PRPF18: variants seen among roughly 807,000 people sequenced by gnomAD.
PRPF18 encodes the protein pre-mRNA processing factor 18.
PRPF18 carries 38 observed loss-of-function variants against 46.5 expected under a neutral mutation model. That is an observed-to-expected ratio of 0.82 (90% CI 0.63 to 1.07). The LOEUF is 1.07. PRPF18 is among the 50% of genes least tolerant of loss of function. The probability of loss-of-function intolerance (pLI) is 0.00; values close to 1 mark genes in which losing one functional copy is unlikely to be tolerated. For synonymous variants in PRPF18, 152 were observed against 146.7 expected, an observed-to-expected ratio of 1.04 and a Z score of -0.26; for missense variants, 263 against 410.0, an observed-to-expected ratio of 0.64 and a Z score of 3.10.
chr10:13,606,133 G>C (rs2080181197), intron 4 of PRPF18, among the ~76,000 whole-genome samples: 1 of 151,832 alleles, frequency 6.6e-6, no homozygotes, highest in African/African-American at 2.4e-5. Flanking sequence ...CTGTATCCCT[G>C]AACTTAAAAG....
chr10:13,624,377 G>C (rs1448166218), intron 9 of PRPF18, among the ~76,000 whole-genome samples: 2 of 152,210 alleles, frequency 1.3e-5, no homozygotes, highest in Non-Finnish European at 2.9e-5. Context: ...AGTCATTACG[G>C]AACCAAACAG....
chr10:13,647,154 C>G, the PRPF18 span: 1 of 158,190 alleles, frequency 6.3e-6, no homozygotes, highest in African/African-American at 2.4e-5. Flanking sequence ...AATCACGAGT[C>G]TTTCCTGTTC....
intron 3 of PRPF18, among the ~76,000 whole-genome samples, chr10:13,603,200 G>C (rs2080138417): frequency 6.6e-6 from 1 of 152,138 alleles, no homozygotes; most frequent in African/African-American, 2.4e-5. Flanking sequence ...TCCTGCCTTT[G>C]CTCAGCGAGC....
the PRPF18 span, chr10:13,648,062 A>T: frequency 6.6e-6 from 1 of 152,136 alleles, no homozygotes; most frequent in Admixed American, 6.5e-5. Flanking sequence ...CCAGCTTTCT[A>T]TTTCATTTGC....
Position 13,592,016 on chromosome 10 carries a change from C to T in PRPF18, c.66+4864C>T, listed in dbSNP as rs986206323. ...TAGGCATTTTATGAAGTTTAACCAC[C>T]TGGGTACTACCATTCTTGTCACCAC... On this transcript the variant is annotated intron_variant, in intron 1 of 9. Coordinates refer to ENST00000378572, the MANE Select transcript of PRPF18 (RefSeq NM_003675.4). The T allele has an allele frequency of 2.6e-5, 18 of 683,384 alleles. No individual in the cohort carries two copies. The Admixed American group carries it at 3.9e-4, about 15-fold the overall frequency. 42.3% of individuals were successfully genotyped at this position (683,384 alleles called of 1,614,324 possible).
chr10:13,646,745 T>G, the PRPF18 span: 1 of 152,692 alleles, frequency 6.5e-6, no homozygotes, highest in South Asian at 2.1e-4. Flanking sequence ...GGACACACAG[T>G]GGGACCGGAA....
At chr10:13,646,411 C>T in the PRPF18 span, 1 of 152,592 alleles carries the variant, frequency 6.6e-6, no homozygotes, top group African/African-American at 2.4e-5. Flanking sequence ...CTCAACCTCC[C>T]CTTCCCCCAT....
chr10:13,650,248 A>G, the PRPF18 span, among the ~76,000 whole-genome samples: 2 of 152,114 alleles, frequency 1.3e-5, no homozygotes, highest in African/African-American at 2.4e-5. Flanking sequence ...TACAGAACCA[A>G]CTGGTGGCAC....
chr10:13,600,403 T>C (rs2080089158), intron 3 of PRPF18, 55 bp downstream of exon 3: 2 of 1,312,598 alleles, frequency 1.5e-6, no homozygotes, highest in African/African-American at 1.5e-5. Flanking sequence ...TGTTTACATT[T>C]ATCTCCAGCT....
At chr10:13,604,810 C>T (rs1355302270) in intron 3 of PRPF18, among the ~76,000 whole-genome samples, 1 of 152,126 alleles carries the variant, frequency 6.6e-6, no homozygotes, top group African/African-American at 2.4e-5. Flanking sequence ...ATCTACATTT[C>T]AAAACAAGTG....
In PRPF18 at chr10:13,594,347, C is replaced by A. The variant is rs1368392671; in HGVS notation, c.67-3111C>A. Among the ~76,000 whole-genome samples the A allele has an allele frequency of 3.9e-5, 6 of 152,198 alleles. No individual in the cohort carries two copies. In the South Asian group the frequency reaches 1.0e-3, roughly 26 times the overall value. On this transcript the variant is annotated intron_variant, in intron 1 of 9. Transcript: ENST00000378572. ...TGTTTTCAAGTACACGAAGAAAATT[C>A]ATCCACAGATAAGTAGTTAGAAAAA...
chr10:13,608,465 T>C (rs2080221935), intron 4 of PRPF18, among the ~76,000 whole-genome samples: 1 of 152,224 alleles, frequency 6.6e-6, no homozygotes, highest in South Asian at 2.1e-4. Context: ...AGCATTGTCA[T>C]TCCAGCCCCA....
At chr10:13,608,867 C>T (rs2080229169) in intron 4 of PRPF18, among the ~76,000 whole-genome samples, 1 of 152,128 alleles carries the variant, frequency 6.6e-6, no homozygotes, top group Non-Finnish European at 1.5e-5. Context: ...AATTATTTGG[C>T]CGTTGGCAAG....
At chr10:13,606,286 T>G (rs1210024313) in intron 4 of PRPF18, among the ~76,000 whole-genome samples, 1 of 152,268 alleles carries the variant, frequency 6.6e-6, no homozygotes, top group Non-Finnish European at 1.5e-5. Context: ...TTCATACAGA[T>G]GGACTCATAG....
At chr10:13,613,976 A>G (rs549395054) in intron 7 of PRPF18, 39 bp from the exon 8 acceptor site, 1 of 1,555,380 alleles carries the variant, frequency 6.4e-7, no homozygotes, top group South Asian at 1.2e-5. Flanking sequence ...ATACATCTAT[A>G]CATAGTAGCT....
rs376251100 is a variant in PRPF18 at position 13,621,249 on chromosome 10, C to T, written c.948+4696C>T. Reference sequence around the variant, plus strand: ...CTCTTATCCTTCCTCACTGTGTTCCCTCCAAACGTGACTTTACCAGCAACA... The same window carrying T: ...CTCTTATCCTTCCTCACTGTGTTCCTTCCAAACGTGACTTTACCAGCAACA... On this transcript the variant is annotated intron_variant, in intron 9 of 9. Transcript: ENST00000378572. Among the ~76,000 whole-genome samples, 122 of 152,314 alleles carry T rather than the reference C, an allele frequency of 8.0e-4. 3 individuals are homozygous for T. The highest frequency in any genetic ancestry group is 2.8e-3 in the African/African-American group (115 of 41,570).
chr10:13,615,318 C>G lies in PRPF18; in HGVS notation c.793-1080C>G, dbSNP rs17153590. ...ATTTTGTATAAACTACAGAAAGAACCAAGAAGCTTTAATAACCTGTTTAGA... is the reference window on the plus strand; with the variant it reads ...ATTTTGTATAAACTACAGAAAGAACGAAGAAGCTTTAATAACCTGTTTAGA... On this transcript the variant is annotated intron_variant, in intron 8 of 9. Coordinates refer to ENST00000378572, the MANE Select transcript of PRPF18 (RefSeq NM_003675.4). Among the ~76,000 whole-genome samples, 254 of 152,262 alleles carry G rather than the reference C, an allele frequency of 1.7e-3. 5 individuals are homozygous for G. The East Asian group carries it at 0.042, about 25-fold the overall frequency.
At chr10:13,599,193 T>C (rs1203308046) in intron 2 of PRPF18, among the ~76,000 whole-genome samples, 3 of 152,216 alleles carry the variant, frequency 2.0e-5, no homozygotes, top group Non-Finnish European at 2.9e-5. Context: ...TTTATTCTTT[T>C]GTAGAAATGA....
the PRPF18 span, chr10:13,654,037 T>G: frequency 9.9e-6 from 4 of 404,724 alleles, no homozygotes; most frequent in African/African-American, 8.4e-5. Context: ...ATTTGCTGTC[T>G]TCATCAGCTC....
Sources: gnomAD v4.1 joint callset for allele counts (sites outside exome capture counted in the v4.1 genomes callset) on GRCh38, gnomAD v4.1.1 for gene constraint, MANE v1.5 for transcripts, NCBI Gene and HGNC (gene_info 2026-07-23, HGNC 2026-07-21) for gene names.